Variants in SYN3 observed in about 807,000 individuals in gnomAD.
SYN3 encodes synapsin-3.
SYN3 carries 35 observed loss-of-function variants against 65.8 expected under a neutral mutation model. The observed-to-expected ratio is 0.53, with a 90% CI of 0.41 to 0.70. The LOEUF (loss-of-function observed/expected upper bound fraction) is 0.70, where lower values mean the gene tolerates loss of function less well. Among genes scored for constraint, SYN3 ranks in the 30% least tolerant of loss-of-function variants. The pLI, the probability that SYN3 is intolerant of heterozygous loss-of-function variation, is 0.00. For synonymous variants in SYN3, 270 were observed against 292.9 expected (o/e 0.92, Z 0.80); for missense variants, 680 against 749.0 (o/e 0.91, Z 1.08).
intron 6 of SYN3, among the ~76,000 whole-genome samples, chr22:32,606,135 A>T (rs1287317666): frequency 6.6e-6 from 1 of 152,078 alleles, no homozygotes; most frequent in African/African-American, 2.4e-5. Context: ...CACATCTATG[A>T]TCTCAGGGGC....
intron 6 of SYN3, among the ~76,000 whole-genome samples, chr22:32,782,766 G>A (rs1402898660): frequency 2.7e-5 from 4 of 150,934 alleles, no homozygotes; most frequent in African/African-American, 7.3e-5. Context: ...ATCCGCCCGC[G>A]TCAGCCTCCT....
Position 32,855,595 on chromosome 22 carries a change from T to A in SYN3, c.711+9320A>T, listed in dbSNP as rs182037839. Among the ~76,000 whole-genome samples the A allele has an allele frequency of 7.2e-5, 11 of 152,274 alleles. No individual in the cohort carries two copies. The East Asian group carries it at 1.9e-3, about 27-fold the overall frequency. On this transcript the variant is annotated intron_variant, in intron 6 of 13. Transcript: ENST00000358763. ...AATGGGCATAATAGTTCCTACCTCA[T>A]AGGGTTGTCATGGTGATTCGTGGGC...
intron 4 of SYN3, among the ~76,000 whole-genome samples, chr22:32,908,051 T>C (rs944567520): frequency 2.0e-5 from 3 of 152,032 alleles, no homozygotes; most frequent in African/African-American, 7.3e-5. Flanking sequence ...GCTGGGATTT[T>C]AACCCAGACA....
intron 1 of SYN3, among the ~76,000 whole-genome samples, chr22:33,017,287 T>C (rs2053483585): frequency 6.6e-6 from 1 of 152,216 alleles, no homozygotes; most frequent in Non-Finnish European, 1.5e-5. Flanking sequence ...GTACCATGTT[T>C]TGATTACTAT....
chr22:33,046,638 C>T lies in SYN3; in HGVS notation c.-163+11654G>A, dbSNP rs543240165. On this transcript the variant is annotated intron_variant, in intron 1 of 13. Transcript: ENST00000358763. ...CAGGTGGATCACGAGGTCAGGAGCTCGAGACCAGCCTGGCCAACATGGTAA... is the reference window on the plus strand; with the variant it reads ...CAGGTGGATCACGAGGTCAGGAGCTTGAGACCAGCCTGGCCAACATGGTAA... Among the ~76,000 whole-genome samples, 92 of 152,054 alleles carry T rather than the reference C, an allele frequency of 6.1e-4. 1 individual carries two copies. The Middle Eastern group carries it at 0.014, about 22-fold the overall frequency.
At chr22:32,515,395 C>A (rs1378450650) in intron 13 of SYN3, among the ~76,000 whole-genome samples, 1 of 152,156 alleles carries the variant, frequency 6.6e-6, no homozygotes, top group Non-Finnish European at 1.5e-5. Flanking sequence ...CGGTTATTGT[C>A]CCCATTCCAC....
chr22:32,940,406 T>C (rs1054790393), intron 3 of SYN3, among the ~76,000 whole-genome samples: 1 of 152,104 alleles, frequency 6.6e-6, no homozygotes, highest in Non-Finnish European at 1.5e-5. Context: ...ACAGTTAGTG[T>C]ATCTATTGTC....
intron 4 of SYN3, among the ~76,000 whole-genome samples, chr22:32,893,151 A>G (rs1308324782): frequency 6.6e-6 from 1 of 152,132 alleles, no homozygotes; most frequent in Non-Finnish European, 1.5e-5. Flanking sequence ...CAGGGGCCCA[A>G]CACTCTGACC....
At chr22:32,711,464 G>T (rs2060964864) in intron 6 of SYN3, among the ~76,000 whole-genome samples, 2 of 152,204 alleles carry the variant, frequency 1.3e-5, no homozygotes, top group African/African-American at 4.8e-5. Flanking sequence ...AAGAAGCTGA[G>T]GGTAAAGAAG....
intron 3 of SYN3, among the ~76,000 whole-genome samples, chr22:32,965,852 A>G (rs754242918): frequency 1.3e-4 from 19 of 151,828 alleles, no homozygotes; most frequent in Non-Finnish European, 1.8e-4. Context: ...CCGCCACCAC[A>G]CCCGGCTAAT....
chr22:32,977,959 G>A (rs2052256519), intron 3 of SYN3, among the ~76,000 whole-genome samples: 1 of 152,110 alleles, frequency 6.6e-6, no homozygotes, highest in East Asian at 1.9e-4. Context: ...ACTCAGATAA[G>A]GGCCAGGAAG....
intron 7 of SYN3, among the ~76,000 whole-genome samples, chr22:32,556,130 A>G (rs1242955481): frequency 6.6e-6 from 1 of 152,242 alleles, no homozygotes; most frequent in Non-Finnish European, 1.5e-5. Context: ...AGGCCAAAGA[A>G]GTACTAAGCA....
chr22:33,044,344 C>A (rs897507230), intron 1 of SYN3, among the ~76,000 whole-genome samples: 6 of 152,214 alleles, frequency 3.9e-5, no homozygotes, highest in Non-Finnish European at 8.8e-5. Context: ...GCACAACAGA[C>A]ATTCTGTCCA....
intron 6 of SYN3, among the ~76,000 whole-genome samples, chr22:32,703,737 C>T (rs970356252): frequency 2.0e-5 from 3 of 151,984 alleles, no homozygotes. Context: ...TCTTGAGGTG[C>T]TTTTCATAAT....
At chr22:32,989,281 G>A (rs2052622929) in intron 2 of SYN3, among the ~76,000 whole-genome samples, 1 of 152,132 alleles carries the variant, frequency 6.6e-6, no homozygotes, top group Non-Finnish European at 1.5e-5. Context: ...CCCCATGAAT[G>A]ATACCCCTGA....
Position 32,596,704 on chromosome 22 carries a change from C to T in SYN3, c.744G>A (p.Lys248=), listed in dbSNP as rs1297420042. The part of the protein sequence containing the change: ...VTAPHFPVVV[K]LGHAHAGMGK... ...CCATTCCAGCGTGGGCATGTCCCAG[C>T]TTGACTACCACCGGGAAGTGTGGGG... Residue 248 remains lysine (K), a synonymous_variant, in exon 7 of 14, where the codon AAG becomes AAA. Transcript: ENST00000358763. 1.9e-6 allele frequency: 3 copies of T among 1,613,896 alleles called. No homozygotes were observed. The highest frequency in any genetic ancestry group is 2.5e-6 in the Non-Finnish European group (3 of 1,179,952).
intron 2 of SYN3, among the ~76,000 whole-genome samples, chr22:32,986,719 T>C (rs2052537819): frequency 6.6e-6 from 1 of 152,210 alleles, no homozygotes; most frequent in Admixed American, 6.5e-5. Flanking sequence ...CTAAGGGCTC[T>C]GTCTCTCATG....
chr22:32,742,535 G>C (rs1297920198), intron 6 of SYN3, among the ~76,000 whole-genome samples: 1 of 152,152 alleles, frequency 6.6e-6, no homozygotes, highest in Non-Finnish European at 1.5e-5. Flanking sequence ...GGACACTGCT[G>C]TTTGAATACC....
chr22:32,774,620 T>C (rs1371277036), intron 6 of SYN3, among the ~76,000 whole-genome samples: 5 of 151,838 alleles, frequency 3.3e-5, no homozygotes, highest in African/African-American at 4.8e-5. Flanking sequence ...TTTCCCGATA[T>C]GGAGTTTTCT....
Sources: gnomAD v4.1 joint callset for allele counts (sites outside exome capture counted in the v4.1 genomes callset) on GRCh38, gnomAD v4.1.1 for gene constraint, MANE v1.5 for transcripts, NCBI Gene and HGNC (gene_info 2026-07-23, HGNC 2026-07-21) for gene names.